Variants in RBFOX1 observed in about 807,000 individuals in gnomAD.
The protein encoded by RBFOX1 is RNA binding protein fox-1 homolog 1.
In RBFOX1, 8 loss-of-function variants were observed where a neutral mutation model predicts 57.7. That is an observed-to-expected ratio of 0.14 (90% CI 0.08 to 0.25). The LOEUF (loss-of-function observed/expected upper bound fraction) is 0.25. RBFOX1 is among the 10% of genes least tolerant of loss of function. The pLI, the probability that RBFOX1 is intolerant of heterozygous loss-of-function variation, is 1.00. For missense variants in RBFOX1, 611 were observed against 548.5 expected (o/e 1.11, Z -1.14); for synonymous variants, 326 against 222.4 (o/e 1.47, Z -4.15).
chr16:6,024,461 A>G (rs1330176655), intron 1 of RBFOX1, among the ~76,000 whole-genome samples: 1 of 152,152 alleles, frequency 6.6e-6, no homozygotes, highest in African/African-American at 2.4e-5. Flanking sequence ...ATGGATCCAT[A>G]CATTTATCCA....
chr16:7,080,013 C>G (rs561903103), intron 4 of RBFOX1, among the ~76,000 whole-genome samples: 1 of 137,144 alleles, frequency 7.3e-6, no homozygotes, highest in Non-Finnish European at 1.5e-5. Context: ...TATATATATA[C>G]ATATATATAC....
chr16:5,662,380 C>A (rs1196399473), intron 3 of RBFOX1, among the ~76,000 whole-genome samples: 1 of 152,116 alleles, frequency 6.6e-6, no homozygotes, highest in African/African-American at 2.4e-5. Context: ...TGCAGGGTTA[C>A]CTGACCACAT....
intron 3 of RBFOX1, among the ~76,000 whole-genome samples, chr16:5,781,408 C>T (rs759831737): frequency 2.6e-5 from 4 of 152,180 alleles, no homozygotes; most frequent in Non-Finnish European, 4.4e-5. Flanking sequence ...TAGGGCAGTT[C>T]TTTACAATGT....
intron 3 of RBFOX1, among the ~76,000 whole-genome samples, chr16:5,837,746 A>G (rs1183298241): frequency 6.6e-6 from 1 of 152,058 alleles, no homozygotes; most frequent in East Asian, 1.9e-4. Context: ...GACCATCAGT[A>G]ATTATTTATA....
At chr16:5,647,548 C>G (rs890720497) in intron 3 of RBFOX1, among the ~76,000 whole-genome samples, 1 of 152,180 alleles carries the variant, frequency 6.6e-6, no homozygotes, top group Admixed American at 6.5e-5. Flanking sequence ...AAATGTTAGT[C>G]TCTGTCCCGT....
intron 3 of RBFOX1, among the ~76,000 whole-genome samples, chr16:5,713,132 C>T (rs545337646): frequency 1.3e-5 from 2 of 152,220 alleles, no homozygotes; most frequent in Non-Finnish European, 2.9e-5. Flanking sequence ...TGAACCGACA[C>T]TGAATGAACT....
chr16:6,148,909 A>G (rs371088733), intron 1 of RBFOX1, among the ~76,000 whole-genome samples: 13 of 152,222 alleles, frequency 8.5e-5, no homozygotes, highest in African/African-American at 3.1e-4. Flanking sequence ...CCACGTAATG[A>G]TTCATGTGCC....
At chr16:6,523,091 T>A (rs1189706850) in intron 2 of RBFOX1, among the ~76,000 whole-genome samples, 1 of 152,188 alleles carries the variant, frequency 6.6e-6, no homozygotes, top group Non-Finnish European at 1.5e-5. Context: ...TTTAAAATAA[T>A]CTTATGTGTT....
intron 1 of RBFOX1, among the ~76,000 whole-genome samples, chr16:6,266,682 C>T (rs921845077): frequency 2.0e-5 from 3 of 151,288 alleles, no homozygotes; most frequent in Admixed American, 6.6e-5. Flanking sequence ...CCATTGCACT[C>T]CAGCCTGGGT....
intron 4 of RBFOX1, among the ~76,000 whole-genome samples, chr16:7,264,444 C>G (rs925467990): frequency 7.2e-5 from 11 of 152,166 alleles, no homozygotes; most frequent in Admixed American, 6.5e-4. Context: ...GTGTCTTGCT[C>G]AAACTCACAA....
Position 7,645,205 on chromosome 16 carries a change from G to A in RBFOX1, c.758-8610G>A, listed in dbSNP as rs147749036. Among the ~76,000 whole-genome samples the A allele has an allele frequency of 2.3e-3, 347 of 152,182 alleles. 9 individuals carry two copies. Among genetic ancestry groups the A allele is most frequent in the Admixed American group, 0.021 (326 of 15,280 alleles). Reference sequence around the variant, plus strand: ...AGCCTAGAAACTTCTGGCTAATTTGGATTTGACTAAAACTTTTCTACCATG... The same window carrying A: ...AGCCTAGAAACTTCTGGCTAATTTGAATTTGACTAAAACTTTTCTACCATG... On this transcript the variant is annotated intron_variant, in intron 11 of 15. Coordinates refer to ENST00000550418, the MANE Select transcript of RBFOX1 (RefSeq NM_018723.4).
chr16:6,404,652 C>G (rs962455568), intron 2 of RBFOX1, among the ~76,000 whole-genome samples: 17 of 152,120 alleles, frequency 1.1e-4, no homozygotes, highest in African/African-American at 4.1e-4. Flanking sequence ...GACGCATCAT[C>G]CCTTCAGTGC....
At chr16:5,438,151 C>T (rs1014701254) in intron 1 of RBFOX1, among the ~76,000 whole-genome samples, 23 of 152,120 alleles carry the variant, frequency 1.5e-4, no homozygotes, top group African/African-American at 5.6e-4. Context: ...ACACTTCCAA[C>T]CACAGGGGAT....
intron 3 of RBFOX1, among the ~76,000 whole-genome samples, chr16:5,737,287 C>G (rs1352180756): frequency 2.0e-5 from 3 of 152,028 alleles, no homozygotes; most frequent in Non-Finnish European, 2.9e-5. Flanking sequence ...AGTTCAAGAA[C>G]AGCCTGGCCA....
At chr16:5,403,276 G>C (rs1011476673) in intron 1 of RBFOX1, among the ~76,000 whole-genome samples, 2 of 151,398 alleles carry the variant, frequency 1.3e-5, no homozygotes, top group Admixed American at 6.6e-5. Flanking sequence ...CTTGAGCCTG[G>C]GAGGTGGAGT....
At chr16:6,366,085 ATG>A (rs71145219) in intron 2 of RBFOX1, among the ~76,000 whole-genome samples, 55,861 of 144,156 alleles carry the variant, frequency 0.39, 11,295 homozygotes, top group Middle Eastern at 0.51. Flanking sequence ...TGGCCATTCT[ATG>A]TGTGTGTGTG....
intron 4 of RBFOX1, among the ~76,000 whole-genome samples, chr16:7,210,349 A>T (rs1430837168): frequency 6.6e-6 from 1 of 152,186 alleles, no homozygotes; most frequent in Non-Finnish European, 1.5e-5. Context: ...AGCGTGGACC[A>T]CACTGTGGTC....
chr16:6,307,340 G>C (rs2079634659), intron 1 of RBFOX1, among the ~76,000 whole-genome samples: 1 of 151,848 alleles, frequency 6.6e-6, no homozygotes, highest in Non-Finnish European at 1.5e-5. Flanking sequence ...CCAAGATCGC[G>C]CACTGCACTC....
chr16:5,581,613 C>A (rs184396521), intron 2 of RBFOX1, among the ~76,000 whole-genome samples: 1 of 152,282 alleles, frequency 6.6e-6, no homozygotes, highest in East Asian at 1.9e-4. Flanking sequence ...GGGAAGGCTT[C>A]CTGGAGGAGG....
Sources: gnomAD v4.1 joint callset for allele counts (sites outside exome capture counted in the v4.1 genomes callset) on GRCh38, gnomAD v4.1.1 for gene constraint, MANE v1.5 for transcripts, NCBI Gene and HGNC (gene_info 2026-07-23, HGNC 2026-07-21) for gene names.